YBX3: variants seen among roughly 807,000 people sequenced by gnomAD.
The protein encoded by YBX3 is Y-box binding protein 3, also known as Y-box-binding protein 3.
YBX3 carries 29 observed loss-of-function variants against 42.4 expected under a neutral mutation model. That is an observed-to-expected ratio of 0.68 (90% CI 0.51 to 0.93). YBX3 has a LOEUF of 0.93. Ranked by LOEUF, YBX3 falls within the 40% of genes least tolerant of loss-of-function variation. YBX3 has a pLI of 0.00. For missense variants in YBX3, 517 were observed against 527.5 expected, an observed-to-expected ratio of 0.98 and a Z score of 0.19; for synonymous variants, 195 against 189.8, an observed-to-expected ratio of 1.03 and a Z score of -0.22.
At chr12:10,710,171 G>C in intron 5 of YBX3, 57 bp from the exon 6 acceptor site, 2 of 1,576,732 alleles carry the variant, frequency 1.3e-6, no homozygotes, top group Non-Finnish European at 1.7e-6. Context: ...AAGAACCAAA[G>C]AACACCATTT....
chr12:10,722,448 T>C (rs1195521817), intron 1 of YBX3: 1 of 156,218 alleles, frequency 6.4e-6, no homozygotes, highest in African/African-American at 2.4e-5. Context: ...CAGGCCCACG[T>C]GTCGGTCCTT....
At chr12:10,717,128 T>C (rs1293985229) in intron 3 of YBX3, among the ~76,000 whole-genome samples, 1 of 152,142 alleles carries the variant, frequency 6.6e-6, no homozygotes, top group Non-Finnish European at 1.5e-5. Flanking sequence ...AACTGAGATA[T>C]ATCCAGTCAA....
In YBX3 at chr12:10,713,228, G is replaced by A. The variant is rs200496858; in HGVS notation, c.556C>T (p.Arg186Cys). The change falls in exon 5 of 10, where the codon CGT (arginine) becomes TGT (cysteine). Residue 186 changes from arginine to cysteine, a missense_variant. By Grantham distance (180) the Arg-to-Cys change is radical. Coordinates refer to ENST00000228251, the MANE Select transcript of YBX3 (RefSeq NM_003651.5). ...RYRRGYYGRR[R>C]GPPRNYAGEE... is the part of the protein sequence containing the mutation. ...CAACGTACATTCCGGGGAGGGCCAC[G>A]GCGCCTTCCATAGTAGCCACGTCTG... is the stretch of plus-strand genomic sequence containing the variant. 56 of 1,612,022 alleles carry A rather than the reference G, an allele frequency of 3.5e-5. No homozygotes were observed. In the East Asian group the frequency reaches 4.2e-4, roughly 12 times the overall value.
intron 1 of YBX3, among the ~76,000 whole-genome samples, chr12:10,719,479 T>C (rs1460478940): frequency 6.6e-6 from 1 of 152,212 alleles, no homozygotes; most frequent in Non-Finnish European, 1.5e-5. Flanking sequence ...AGTTTTAACC[T>C]AGACAAATTT....
At position 10,723,213 on chromosome 12, in the gene YBX3, CG is replaced by C; in HGVS notation, c.-103del. ...GGCCGGGGCTCGCTCTCGGGGAGGC[CG>C]GGGCGGATCTCGCGGCGCAGGCGGC... On this transcript the variant is annotated 5_prime_UTR_variant, in exon 1 of 10. Coordinates refer to ENST00000228251, the MANE Select transcript of YBX3 (RefSeq NM_003651.5). 1 of 1,167,866 alleles carries C rather than the reference CG, an allele frequency of 8.6e-7. No homozygotes were observed. Among genetic ancestry groups the C allele is most frequent in the Admixed American group, 4.7e-5 (1 of 21,382 alleles). 72.3% of individuals were successfully genotyped at this position (1,167,866 alleles called of 1,614,324 possible).
At chr12:10,710,502 CA>C in intron 5 of YBX3, 1 of 1,185,780 alleles carries the variant, frequency 8.4e-7, no homozygotes, top group African/African-American at 1.6e-5. Context: ...AGGGAAAAGC[CA>C]AAAAAGAATA....
intron 3 of YBX3, chr12:10,717,783 A>C: frequency 4.6e-6 from 1 of 217,064 alleles, no homozygotes; most frequent in East Asian, 1.0e-4. Flanking sequence ...GGATGCTAAA[A>C]GGGAAACAGA....
intron 6 of YBX3, among the ~76,000 whole-genome samples, chr12:10,705,076 T>G (rs1948122712): frequency 6.6e-6 from 1 of 152,150 alleles, no homozygotes; most frequent in African/African-American, 2.4e-5. Flanking sequence ...AAGTTATATC[T>G]TTTTGTTTGG....
chr12:10,709,992 G>A lies in YBX3; in HGVS notation c.696C>T (p.Tyr232=), dbSNP rs1218205024. 6.2e-7 allele frequency: 1 copy of A among 1,614,094 alleles called. No homozygotes were observed. The highest frequency in any genetic ancestry group is 8.5e-7 in the Non-Finnish European group (1 of 1,180,018). Reference sequence around the variant, plus strand: ...GGTAAGGCGGGAACCGCCGCTGCCGGTACTGAGGGCGATACTGGGGGCGGC... The same window carrying A: ...GGTAAGGCGGGAACCGCCGCTGCCGATACTGAGGGCGATACTGGGGGCGGC... ...QLRRPQYRPQ[Y]RQRRFPPYHV... is the part of the protein sequence containing the mutation. Residue 232 remains tyrosine (Y), a synonymous_variant, in exon 6 of 10, where the codon TAC becomes TAT. Transcript: ENST00000228251.
At chr12:10,707,050 T>TAAATAAATAAA (rs1591575726) in intron 6 of YBX3, among the ~76,000 whole-genome samples, 7 of 126,088 alleles carry the variant, frequency 5.6e-5, no homozygotes, top group Non-Finnish European at 1.2e-4. Flanking sequence ...AAATAAATAA[T>TAAATAAATAAA]TCCAAATAAT....
At chr12:10,715,271 G>A (rs1396627085) in intron 4 of YBX3, among the ~76,000 whole-genome samples, 2 of 151,958 alleles carry the variant, frequency 1.3e-5, no homozygotes, top group African/African-American at 4.8e-5. Context: ...CTAGCTGGGT[G>A]TGGTGGCTCA....
intron 6 of YBX3, among the ~76,000 whole-genome samples, chr12:10,708,266 C>T (rs1427757928): frequency 7.2e-5 from 11 of 152,062 alleles, no homozygotes; most frequent in Admixed American, 7.2e-4. Flanking sequence ...ATAAATCATG[C>T]TATATTATGT....
intron 8 of YBX3, 109 bp downstream of exon 8, chr12:10,701,851 T>C (rs898578596): frequency 3.6e-5 from 47 of 1,301,102 alleles, no homozygotes; most frequent in South Asian, 3.2e-4. Flanking sequence ...AAAATGTTTT[T>C]ATATTTGTTA....
Position 10,713,103 on chromosome 12 carries a change from C to G in YBX3, c.573+108G>C, listed in dbSNP as rs369334333. 10 of 1,270,652 alleles carry G rather than the reference C, an allele frequency of 7.9e-6. No individual in the cohort carries two copies. The Admixed American group carries it at 8.4e-5, about 11-fold the overall frequency. The allele number at this position is 1,270,652 out of a possible 1,614,324, so 78.7% of individuals were successfully genotyped here. ...AAGAAAAAATAAAAATCACTTAAAT[C>G]ATTTGTCTCCAGGAGAAGACAAGGC... On this transcript the variant is annotated intron_variant, in intron 5 of 9. Coordinates refer to ENST00000228251, the MANE Select transcript of YBX3 (RefSeq NM_003651.5).
intron 5 of YBX3, chr12:10,710,901 A>G (rs796714713): frequency 7.4e-5 from 12 of 162,944 alleles, no homozygotes; most frequent in African/African-American, 2.9e-4. Flanking sequence ...TTTTAAGTTT[A>G]TTTTACTTTC....
chr12:10,709,874 G>T, intron 6 of YBX3, 34 bp downstream of exon 6: 1 of 1,610,380 alleles, frequency 6.2e-7, no homozygotes, highest in South Asian at 1.1e-5. Context: ...GAAGGGTGAG[G>T]ATTGCTGAAG....
At position 10,713,264 on chromosome 12, in the gene YBX3, G is replaced by C; in HGVS notation, c.520C>G (p.Arg174Gly). 4.3e-6 allele frequency: 7 copies of C among 1,614,002 alleles called. No individual in the cohort carries two copies. Among genetic ancestry groups the C allele is most frequent in the Admixed American group, 1.7e-5 (1 of 60,014 alleles). Residue 174 changes from arginine (R) to glycine (G), a missense_variant, in exon 5 of 10, where the codon CGG becomes GGG. Physicochemically the swap from Arg to Gly is moderately radical, Grantham distance 125. Transcript: ENST00000228251. ...PVEGSRYAAD[R>G]RRYRRGYYGR... ...TAGTAGCCACGTCTGTAACGGCGCC[G>C]ATCTGCAGCGTAACGACTCCCTTCC... is the stretch of plus-strand genomic sequence containing the variant.
intron 6 of YBX3, among the ~76,000 whole-genome samples, chr12:10,705,337 C>A (rs188136211): frequency 2.0e-5 from 3 of 152,292 alleles, no homozygotes; most frequent in African/African-American, 7.2e-5. Context: ...TCGTGATCTA[C>A]CCACCTCAGA....
chr12:10,718,711 T>C (rs752727824), intron 2 of YBX3, among the ~76,000 whole-genome samples: 3 of 152,176 alleles, frequency 2.0e-5, no homozygotes, highest in Non-Finnish European at 4.4e-5. Context: ...GAGTTAAAGA[T>C]CCAGCTCAAT....
Sources: allele counts gnomAD v4.1 joint callset (sites outside exome capture counted in the v4.1 genomes callset), GRCh38; gene constraint gnomAD v4.1.1; transcripts MANE v1.5; gene names NCBI Gene and HGNC (gene_info 2026-07-23, HGNC 2026-07-21).